Variants in MAP3K19 observed in about 807,000 individuals in gnomAD.
The protein encoded by MAP3K19 is SPS1/STE20-related protein kinase YSK4.
In MAP3K19, 91 loss-of-function variants were observed where a neutral mutation model predicts 114.4. The ratio of observed to expected loss-of-function variants is 0.80; its 90% CI spans 0.67 to 0.95. The LOEUF (loss-of-function observed/expected upper bound fraction) is 0.95, where lower values mean the gene tolerates loss of function less well. Among genes scored for constraint, MAP3K19 ranks in the 40% least tolerant of loss-of-function variants. The probability of loss-of-function intolerance (pLI) is 0.00; values close to 1 mark genes in which losing one functional copy is unlikely to be tolerated. For synonymous variants in MAP3K19, 518 were observed against 530.5 expected (o/e 0.98, Z 0.32); for missense variants, 1,471 against 1,573.2 (o/e 0.94, Z 1.10).
At chr2:134,980,726 A>T in intron 12 of MAP3K19, 95 bp downstream of exon 12, 1 of 1,165,896 alleles carries the variant, frequency 8.6e-7, no homozygotes, top group Non-Finnish European at 1.2e-6. Flanking sequence ...CATAACCAAA[A>T]CAGAGCTTTT....
In MAP3K19 at chr2:134,987,610, G is replaced by C; in HGVS notation, c.1262C>G (p.Ser421Ter). The change falls in exon 10 of 13, where the codon TCA becomes TGA. Residue 421 changes from serine (S) to a stop codon, truncating the protein, a stop_gained. Transcript: ENST00000392915. LOFTEE classifies it high-confidence loss of function. The stretch of plus-strand genomic sequence containing the variant: ...TTCCATTGCTTCATTTTTATGTAAT[G>C]AAACTCTTTTTGAAGCAGCTTTATT... ...RNNKAASKRVSLHKNEAMEPN... is the reference protein window; with the variant it reads ...RNNKAASKRV 2 of 1,614,028 alleles carry C rather than the reference G, an allele frequency of 1.2e-6. No homozygotes were observed. The highest frequency in any genetic ancestry group is 2.2e-5 in the South Asian group (2 of 91,082).
At chr2:135,006,074 A>G (rs1266135551) in intron 5 of MAP3K19, among the ~76,000 whole-genome samples, 1 of 152,214 alleles carries the variant, frequency 6.6e-6, no homozygotes, top group African/African-American at 2.4e-5. Flanking sequence ...ATAACCTCTT[A>G]AACTTCCTTT....
rs1684872831 is a variant in MAP3K19, at chr2:134,983,663, C to CA, written c.3222+12dup. 1 of 1,525,232 alleles carries CA rather than the reference C, an allele frequency of 6.6e-7. No individual in the cohort carries two copies. The highest frequency in any genetic ancestry group is 8.8e-7 in the Non-Finnish European group (1 of 1,141,582). The allele number at this position is 1,525,232 out of a possible 1,614,324, so 94.5% of individuals were successfully genotyped here. Reference sequence around the variant, plus strand: ...GTGGGGAGTGCTGATTTCAAGTTTCCAGTTTAACTTACTGTGCCGTAGGCT... The same window carrying CA: ...GTGGGGAGTGCTGATTTCAAGTTTCCAAGTTTAACTTACTGTGCCGTAGGCT... On this transcript the variant is annotated intron_variant, in intron 11 of 12. Coordinates refer to ENST00000392915, the MANE Select transcript of MAP3K19 (RefSeq NM_025052.5).
At position 135,027,101 on chromosome 2, in the gene MAP3K19, C is replaced by T. The variant is rs137922419; in HGVS notation, c.-94-2360G>A. Among the ~76,000 whole-genome samples, 1,479 of 152,028 alleles carry T rather than the reference C, an allele frequency of 9.7e-3. 17 individuals carry two copies. Among genetic ancestry groups the T allele is most frequent in the Non-Finnish European group, 0.013 (874 of 67,988 alleles). ...TCTCCACAAAAAATTAAAAATTAGC[C>T]GGGCATAGTGGTATGTGCCTGTAGT... On this transcript the variant is annotated intron_variant, in intron 3 of 12. Coordinates refer to ENST00000392915, the MANE Select transcript of MAP3K19 (RefSeq NM_025052.5).
Position 135,028,311 on chromosome 2 carries a change from T to C in MAP3K19, c.-95+2001A>G, listed in dbSNP as rs1264931296. Among the ~76,000 whole-genome samples, 6 of 152,216 alleles carry C rather than the reference T, an allele frequency of 3.9e-5. No homozygotes were observed. The East Asian group carries it at 9.6e-4, about 24-fold the overall frequency. ...TGGCTCACACCTGTAATCCCAGCAC[T>C]TTAGAAGGCTGAGGCATGTGGATTG... On this transcript the variant is annotated intron_variant, in intron 3 of 12. Transcript: ENST00000392915.
intron 5 of MAP3K19, among the ~76,000 whole-genome samples, chr2:135,012,768 T>A (rs1687320105): frequency 6.6e-6 from 1 of 152,186 alleles, no homozygotes; most frequent in Admixed American, 6.5e-5. Context: ...TTTAATGTTC[T>A]TATGCCCTGC....
At chr2:135,022,598 A>G (rs4954212) in intron 4 of MAP3K19, among the ~76,000 whole-genome samples, 47,703 of 151,978 alleles carry the variant, frequency 0.31, 11,370 homozygotes, top group African/African-American at 0.65. Flanking sequence ...ATTTCTTGGG[A>G]ATTGAGGATA....
intron 1 of MAP3K19, among the ~76,000 whole-genome samples, chr2:135,045,273 T>C (rs1350612188): frequency 1.3e-5 from 2 of 152,214 alleles, no homozygotes; most frequent in African/African-American, 4.8e-5. Context: ...ATCATTATCT[T>C]AATCATTAGC....
intron 4 of MAP3K19, among the ~76,000 whole-genome samples, chr2:135,024,148 GC>G (rs1330310090): frequency 6.6e-6 from 1 of 152,180 alleles, no homozygotes; most frequent in Non-Finnish European, 1.5e-5. Flanking sequence ...CTTAGGTATA[GC>G]TTTGTCCTCT....
intron 12 of MAP3K19, among the ~76,000 whole-genome samples, chr2:134,979,641 G>GTT (rs774229914): frequency 0.19 from 22,908 of 117,600 alleles, 2,694 homozygotes; most frequent in Middle Eastern, 0.44. Flanking sequence ...CATTTATGCG[G>GTT]TTTTTTTTTT....
At chr2:135,039,829 A>G (rs1474093642) in intron 2 of MAP3K19, among the ~76,000 whole-genome samples, 3 of 152,148 alleles carry the variant, frequency 2.0e-5, no homozygotes, top group Admixed American at 6.5e-5. Flanking sequence ...AATAAGACCC[A>G]AATGGGTTAC....
Position 134,999,753 on chromosome 2 carries a change from AAC to A in MAP3K19, c.314+182_314+183del, listed in dbSNP as rs34627854. Among the ~76,000 whole-genome samples the A allele has an allele frequency of 0.24, 36,257 of 151,994 alleles. 5,324 individuals carry two copies. The highest frequency in any genetic ancestry group is 0.39 in the African/African-American group (15,962 of 41,394). The stretch of plus-strand genomic sequence containing the variant: ...GACAGTTGCAGAGTTGAATCATCAC[AAC>A]AGAGACCATATGGCCCACACAGCCA... On this transcript the variant is annotated intron_variant, in intron 7 of 12. Transcript: ENST00000392915. This position sits in a 1 kb window ranked among gnomAD's most constrained non-coding sequence, Gnocchi z 4.1.
intron 12 of MAP3K19, among the ~76,000 whole-genome samples, chr2:134,969,544 T>A (rs1284349494): frequency 6.6e-6 from 1 of 152,204 alleles, no homozygotes; most frequent in Non-Finnish European, 1.5e-5. Flanking sequence ...ATTTGTGTCT[T>A]CTTTTGAGAT....
At chr2:135,008,160 T>TC (rs1250186263) in intron 5 of MAP3K19, among the ~76,000 whole-genome samples, 2 of 152,008 alleles carry the variant, frequency 1.3e-5, no homozygotes, top group Non-Finnish European at 2.9e-5. Context: ...TCTTGCTCTG[T>TC]CGCCCAGGCT....
At chr2:135,015,527 A>C (rs1389225834) in intron 5 of MAP3K19, among the ~76,000 whole-genome samples, 3 of 152,180 alleles carry the variant, frequency 2.0e-5, no homozygotes, top group African/African-American at 7.2e-5. Context: ...ATAAAAAGAA[A>C]TGCTTCATTT....
At chr2:134,969,218 G>A (rs184499847) in intron 12 of MAP3K19, among the ~76,000 whole-genome samples, 4 of 152,104 alleles carry the variant, frequency 2.6e-5, no homozygotes, top group East Asian at 1.9e-4. Flanking sequence ...CAGGTGTGGC[G>A]GCGCGTGCCT....
At chr2:134,989,821 C>T (rs1011355679) in intron 9 of MAP3K19, among the ~76,000 whole-genome samples, 1 of 152,138 alleles carries the variant, frequency 6.6e-6, no homozygotes, top group African/African-American at 2.4e-5. Context: ...GTGGCTCACA[C>T]CTGTAATCCC....
At chr2:134,996,390 T>A (rs1358992212) in intron 8 of MAP3K19, among the ~76,000 whole-genome samples, 1 of 152,066 alleles carries the variant, frequency 6.6e-6, no homozygotes, top group Non-Finnish European at 1.5e-5. Context: ...AATGGCTATG[T>A]GCCAGGTATG....
chr2:135,033,414 A>G, intron 2 of MAP3K19, among the ~76,000 whole-genome samples: 1 of 112,848 alleles, frequency 8.9e-6, no homozygotes, highest in Non-Finnish European at 1.7e-5. Flanking sequence ...CTGGCCGGGC[A>G]GAGGGGATCC....
Sources: gnomAD v4.1 joint callset for allele counts (sites outside exome capture counted in the v4.1 genomes callset) on GRCh38, gnomAD v4.1.1 for gene constraint, Gnocchi (gnomAD v3.1) non-coding constraint, MANE v1.5 for transcripts, NCBI Gene and HGNC (gene_info 2026-07-23, HGNC 2026-07-21) for gene names.